Variants in PRAP1 observed in about 807,000 individuals in gnomAD.
The protein encoded by PRAP1 is proline rich acidic protein 1.
In PRAP1, 12 loss-of-function variants were observed where a neutral mutation model predicts 14.6. The observed-to-expected ratio is 0.82, with a 90% CI of 0.53 to 1.33. PRAP1 has a LOEUF of 1.33. Ranked by LOEUF, PRAP1 falls within the 40% of genes most tolerant of loss-of-function variation. The probability of loss-of-function intolerance (pLI) is 0.00; values close to 1 mark genes in which losing one functional copy is unlikely to be tolerated. For missense variants in PRAP1, 160 were observed against 193.7 expected (o/e 0.83, Z 1.03); for synonymous variants, 81 against 80.3 (o/e 1.01, Z -0.04).
Position 133,352,038 on chromosome 10 carries a change from GAGA to G in PRAP1, c.163_165del (p.Lys55del), listed in dbSNP as rs1399497714. 9.3e-6 allele frequency: 15 copies of G among 1,612,818 alleles called. No individual in the cohort carries two copies. Among genetic ancestry groups the G allele is most frequent in the East Asian group, 2.2e-5 (1 of 44,880 alleles). On this transcript the variant is annotated inframe_deletion, in exon 4 of 5. Coordinates refer to ENST00000433452, the MANE Select transcript of PRAP1 (RefSeq NM_145202.5). ...GGGCGCCCGTGTGGTGGAGCCTCCG[GAGA>G]AGGACGACCAGCTGGTGGTGCTGTT... is the stretch of plus-strand genomic sequence containing the variant.
chr10:133,352,336 G>C lies in PRAP1; in HGVS notation c.352G>C (p.Glu118Gln). 6.2e-7 allele frequency: 1 copy of C among 1,613,200 alleles called. No homozygotes were observed. Among genetic ancestry groups the C allele is most frequent in the Non-Finnish European group, 8.5e-7 (1 of 1,179,984 alleles). Residue 118 changes from glutamate (E) to glutamine (Q), a missense_variant, in exon 5 of 5, where the codon GAG becomes CAG. Coordinates refer to ENST00000433452, the MANE Select transcript of PRAP1 (RefSeq NM_145202.5). ...TGACAGCCTGTACCACCCTCCGCCT[G>C]AGGAGGACCAGGGCGAGGAGAGGCC... ...DHDSLYHPPP[E>Q]EDQGEERPRL...
intron 1 of PRAP1, 140 bp from the exon 2 acceptor site, chr10:133,349,955 G>T (rs1464474007): frequency 4.3e-6 from 3 of 690,172 alleles, no homozygotes; most frequent in Non-Finnish European, 7.4e-6. Flanking sequence ...CTTGGCCCAT[G>T]TGAGCACAGT....
rs775553257 is a variant in PRAP1, at chr10:133,352,405, G to C, written c.421G>C (p.Glu141Gln). 9 of 1,612,906 alleles carry C rather than the reference G, an allele frequency of 5.6e-6. No homozygotes were observed. The highest frequency in any genetic ancestry group is 7.6e-6 in the Non-Finnish European group (9 of 1,179,938). ...MPNHQVLLGP[E>Q]EDQDHIYHPQ ...AAATCACCAGGTGCTCCTGGGACCG[G>C]AGGAAGACCAAGACCACATCTACCA... The change falls in exon 5 of 5, where the codon GAG becomes CAG. Residue 141 changes from glutamate to glutamine, a missense_variant. Glu to Gln is a conservative substitution (Grantham distance 29, BLOSUM62 2). Coordinates refer to ENST00000433452, the MANE Select transcript of PRAP1 (RefSeq NM_145202.5).
In PRAP1 at chr10:133,352,598, C is replaced by T. The variant is rs1012239735; in HGVS notation, c.*158C>T. 5.5e-5 allele frequency: 34 copies of T among 618,050 alleles called. No homozygotes were observed. The highest frequency in any genetic ancestry group is 8.3e-5 in the Non-Finnish European group (29 of 351,098). The allele number at this position is 618,050 out of a possible 1,614,324, so 38.3% of individuals were successfully genotyped here. A position where few individuals can be genotyped will look rare whatever the true frequency, so the allele number is the denominator to read the frequency against. On this transcript the variant is annotated 3_prime_UTR_variant, in exon 5 of 5. Coordinates refer to ENST00000433452, the MANE Select transcript of PRAP1 (RefSeq NM_145202.5). The stretch of plus-strand genomic sequence containing the variant: ...CAGCACTTTTAGAGGCCGAGGCAGG[C>T]GGATCACCTGAAATCAGGAGTTCCA...
At chr10:133,350,206 CCTT>C (rs1435156013) in intron 2 of PRAP1, 45 bp downstream of exon 2, 1 of 1,545,540 alleles carries the variant, frequency 6.5e-7, no homozygotes, top group Non-Finnish European at 8.9e-7. Context: ...CCAGTTGTCA[CCTT>C]CTGCCCCTAC....
intron 1 of PRAP1, among the ~76,000 whole-genome samples, chr10:133,348,670 C>CGTGG (rs1038849196): frequency 7.2e-6 from 1 of 139,662 alleles, no homozygotes; most frequent in Non-Finnish European, 1.5e-5. Context: ...CCTGCCACCA[C>CGTGG]GCCTGGCTAA....
Position 133,351,470 on chromosome 10 carries a change from C to T in PRAP1, c.128+37C>T, listed in dbSNP as rs1404722544. ...CAACCCCACCTCCCCACCACCCATTCCCTGAAGCTACAGCCCGTTCTGCTG... is the reference window on the plus strand; with the variant it reads ...CAACCCCACCTCCCCACCACCCATTTCCTGAAGCTACAGCCCGTTCTGCTG... On this transcript the variant is annotated intron_variant, in intron 3 of 4. Transcript: ENST00000433452. The surrounding 1 kb of genome is among the most constrained non-coding windows in gnomAD (Gnocchi z 4.3). 8 of 1,488,338 alleles carry T rather than the reference C, an allele frequency of 5.4e-6. No individual in the cohort carries two copies. Among genetic ancestry groups the T allele is most frequent in the Non-Finnish European group, 7.4e-6 (8 of 1,081,414 alleles). 92.2% of individuals were successfully genotyped at this position (1,488,338 alleles called of 1,614,324 possible).
At position 133,352,236 on chromosome 10, in the gene PRAP1, C is replaced by T. The variant is rs375208637; in HGVS notation, c.263-11C>T. ...GAAACTGAGACTATACCTTCATGTG[C>T]TTGTCCCTAGGCACCAAGGCCTGGA... On this transcript the variant is annotated splice_polypyrimidine_tract_variant and intron_variant, in intron 4 of 4. Transcript: ENST00000433452. 2.2e-5 allele frequency: 35 copies of T among 1,612,276 alleles called. No individual in the cohort carries two copies. The African/African-American group carries it at 3.1e-4, about 14-fold the overall frequency.
chr10:133,350,041 G>C, intron 1 of PRAP1, 54 bp from the exon 2 acceptor site: 1 of 1,553,702 alleles, frequency 6.4e-7, no homozygotes, highest in Non-Finnish European at 8.8e-7. Flanking sequence ...GCTGCCTGGA[G>C]TTCAGGGCGT....
In PRAP1 at chr10:133,350,089, C is replaced by T. The variant is rs376129598; in HGVS notation, c.9-6C>T. 7 of 1,613,034 alleles carry T rather than the reference C, an allele frequency of 4.3e-6. No homozygotes were observed. Among genetic ancestry groups the T allele is most frequent in the Non-Finnish European group, 5.1e-6 (6 of 1,179,662 alleles). On this transcript the variant is annotated splice_region_variant and splice_polypyrimidine_tract_variant and intron_variant, in intron 1 of 4. Transcript: ENST00000433452. ...CCTCACACTTCCCTCTCTGGCCCCC[C>T]CTCAGGCTCCTCCTGGTCACCAGCC...
At chr10:133,350,190 G>A (rs1171109839) in intron 2 of PRAP1, 29 bp downstream of exon 2, 1 of 1,599,746 alleles carries the variant, frequency 6.3e-7, no homozygotes, top group African/African-American at 1.3e-5. Flanking sequence ...CATCTGGGCA[G>A]CAACTCCAGT....
At position 133,352,303 on chromosome 10, in the gene PRAP1, C is replaced by T; in HGVS notation, c.319C>T (p.Pro107Ser). 1 of 1,613,142 alleles carries T rather than the reference C, an allele frequency of 6.2e-7. No individual in the cohort carries two copies. ...DTLGHVLSPE[P>S]DHDSLYHPPP... ...CCTGGGCCATGTCCTGAGTCCCGAG[C>T]CCGACCATGACAGCCTGTACCACCC... Residue 107 changes from proline to serine, a missense_variant, in exon 5 of 5, where the codon CCC becomes TCC. Pro to Ser is a moderately conservative substitution (Grantham distance 74, BLOSUM62 -1). Transcript: ENST00000433452.
rs758653852 is a variant in PRAP1, at chr10:133,351,406, A to G, written c.101A>G (p.His34Arg). The G allele has an allele frequency of 6.2e-7, 1 of 1,611,608 alleles. No homozygotes were observed. The highest frequency in any genetic ancestry group is 8.5e-7 in the Non-Finnish European group (1 of 1,178,998). The change falls in exon 3 of 5, where the codon CAC becomes CGC. Residue 34 changes from histidine (H) to arginine (R), a missense_variant. Physicochemically the swap from His to Arg is conservative, Grantham distance 29. Coordinates refer to ENST00000433452, the MANE Select transcript of PRAP1 (RefSeq NM_145202.5). The surrounding 1 kb of genome is among the most constrained non-coding windows in gnomAD (Gnocchi z 4.3). ...GTCCCTATCAAGATGCAAGTCAAACACTGGCCCTCAGAGCAGGACCCAGAG... is the reference window on the plus strand; with the variant it reads ...GTCCCTATCAAGATGCAAGTCAAACGCTGGCCCTCAGAGCAGGACCCAGAG... The part of the protein sequence containing the change: ...PKVPIKMQVK[H>R]WPSEQDPEKA...
Position 133,349,139 on chromosome 10 carries a change from ACAC to A in PRAP1, c.9-952_9-950del, listed in dbSNP as rs548092581. Reference sequence around the variant, plus strand: ...ACACTCCCAAACCCTCACACTCTACACACCACACACGCATGCACACAGCACACA... The same window carrying A: ...ACACTCCCAAACCCTCACACTCTACACACACACGCATGCACACAGCACACA... On this transcript the variant is annotated intron_variant, in intron 1 of 4. Transcript: ENST00000433452. Among the ~76,000 whole-genome samples the A allele has an allele frequency of 2.5e-3, 385 of 151,088 alleles. 3 individuals carry two copies. The highest frequency in any genetic ancestry group is 2.6e-3 in the Non-Finnish European group (179 of 67,734).
intron 1 of PRAP1, among the ~76,000 whole-genome samples, chr10:133,348,969 C>T (rs1284698598): frequency 6.6e-6 from 1 of 151,962 alleles, no homozygotes; most frequent in Non-Finnish European, 1.5e-5. Context: ...CCCAGACACC[C>T]TTGACTGCAG....
In PRAP1 at chr10:133,352,439, A is replaced by G. The variant is rs753387961; in HGVS notation, c.455A>G (p.Ter152TrpextTer28). ...EDQDHIYHPQ[*>W] ...CAAGACCACATCTACCACCCCCAGT[A>G]GGGCTCCAGGGGCCATCACTGCCCC... Residue 152 changes from the stop codon to tryptophan, a stop_lost, in exon 5 of 5, where the codon TAG (stop) becomes TGG (tryptophan). Transcript: ENST00000433452. 1.2e-6 allele frequency: 2 copies of G among 1,611,936 alleles called. No individual in the cohort carries two copies. Among genetic ancestry groups the G allele is most frequent in the Non-Finnish European group, 1.7e-6 (2 of 1,179,376 alleles).
intron 1 of PRAP1, among the ~76,000 whole-genome samples, chr10:133,348,748 G>A (rs1848626514): frequency 6.7e-6 from 1 of 148,858 alleles, no homozygotes; most frequent in Non-Finnish European, 1.5e-5. Context: ...GGCTGGTTTC[G>A]AATGCCTAAC....
rs1328923490 is a variant in PRAP1, at chr10:133,351,954, G to A, written c.129-53G>A. The A allele has an allele frequency of 1.6e-5, 26 of 1,594,014 alleles. No individual in the cohort carries two copies. Among genetic ancestry groups the A allele is most frequent in the African/African-American group, 2.7e-5 (2 of 74,606 alleles). On this transcript the variant is annotated intron_variant, in intron 3 of 4. Coordinates refer to ENST00000433452, the MANE Select transcript of PRAP1 (RefSeq NM_145202.5). The surrounding 1 kb of genome is among the most constrained non-coding windows in gnomAD (Gnocchi z 4.3). ...GATGGTGGGCACCCTCCTGCGGGGG[G>A]TTCTGTCCACCTCCCCCACCTGCAT...
chr10:133,348,320 C>A (rs987989471), intron 1 of PRAP1, among the ~76,000 whole-genome samples: 2 of 152,178 alleles, frequency 1.3e-5, no homozygotes, highest in African/African-American at 4.8e-5. Context: ...CAGACCAGGT[C>A]CCGGCCCCGG....
Sources: allele counts gnomAD v4.1 joint callset (sites outside exome capture counted in the v4.1 genomes callset), GRCh38; gene constraint gnomAD v4.1.1; non-coding constraint Gnocchi (gnomAD v3.1); transcripts MANE v1.5; gene names NCBI Gene and HGNC (gene_info 2026-07-23, HGNC 2026-07-21).